The following PAK1 variants were observed in gnomAD, a reference collection of about 807,000 sequenced individuals.
PAK1 encodes the protein serine/threonine-protein kinase PAK 1.
A neutral mutation model predicts 67.4 loss-of-function variants in PAK1; 29 were observed. That is an observed-to-expected ratio of 0.43 (90% CI 0.32 to 0.59). PAK1 has a LOEUF of 0.59. PAK1 is among the 20% of genes least tolerant of loss of function. PAK1 has a pLI of 0.07. For synonymous variants in PAK1, 223 were observed against 237.4 expected (o/e 0.94, Z 0.56); for missense variants, 337 against 670.7 (o/e 0.50, Z 5.50).
chr11:77,427,831 T>C (rs1955632173), intron 1 of PAK1, among the ~76,000 whole-genome samples: 1 of 152,240 alleles, frequency 6.6e-6, no homozygotes, highest in Non-Finnish European at 1.5e-5. Flanking sequence ...CTTCCTCTTA[T>C]TGTTATCTTC....
At chr11:77,380,992 G>C (rs929796012) in intron 2 of PAK1, among the ~76,000 whole-genome samples, 5 of 152,114 alleles carry the variant, frequency 3.3e-5, no homozygotes, top group African/African-American at 1.2e-4. Context: ...CCTGCTGTCT[G>C]GGAGCTCAAC....
upstream of PAK1, chr11:77,475,028 A>G (rs1958036155): frequency 6.6e-6 from 1 of 152,216 alleles, no homozygotes; most frequent in African/African-American, 2.4e-5. Context: ...TGTAATAATA[A>G]GTAGTACCTT....
chr11:77,335,910 G>A (rs1049357830), intron 13 of PAK1, among the ~76,000 whole-genome samples, 176 bp downstream of exon 13: 3 of 152,174 alleles, frequency 2.0e-5, no homozygotes, highest in Non-Finnish European at 1.5e-5. Flanking sequence ...ATAAATGAAT[G>A]AGTGACTTCT....
At chr11:77,407,323 T>G (rs1953743105) in intron 1 of PAK1, among the ~76,000 whole-genome samples, 2 of 152,214 alleles carry the variant, frequency 1.3e-5, no homozygotes, top group Admixed American at 6.5e-5. Flanking sequence ...ACCATGGAAC[T>G]AAATTACCAG....
At chr11:77,429,223 A>C (rs756416286) in intron 1 of PAK1, among the ~76,000 whole-genome samples, 1 of 152,094 alleles carries the variant, frequency 6.6e-6, no homozygotes, top group Non-Finnish European at 1.5e-5. Context: ...AGTTGACAGA[A>C]GCCAACTTCT....
chr11:77,463,989 C>T (rs777100616), intron 1 of PAK1, among the ~76,000 whole-genome samples: 10 of 152,186 alleles, frequency 6.6e-5, no homozygotes, highest in Non-Finnish European at 1.5e-4. Flanking sequence ...TTTTAAAATA[C>T]ATTTAACCCA....
intron 1 of PAK1, among the ~76,000 whole-genome samples, chr11:77,460,907 G>A (rs1275591251): frequency 6.6e-6 from 1 of 151,982 alleles, no homozygotes; most frequent in Non-Finnish European, 1.5e-5. Context: ...GGCAGAAGGA[G>A]AATAAGAGTA....
At chr11:77,371,515 C>G (rs1948423561) in intron 5 of PAK1, among the ~76,000 whole-genome samples, 1 of 152,150 alleles carries the variant, frequency 6.6e-6, no homozygotes, top group Non-Finnish European at 1.5e-5. Flanking sequence ...CTCAGGAGAG[C>G]AGAATTTTGT....
At chr11:77,357,802 C>T (rs1946239998) in intron 6 of PAK1, among the ~76,000 whole-genome samples, 1 of 152,152 alleles carries the variant, frequency 6.6e-6, no homozygotes, top group South Asian at 2.1e-4. Flanking sequence ...CTGATATTTA[C>T]CCACCTCTGC....
chr11:77,478,081 C>T (rs141629768), upstream of PAK1, among the ~76,000 whole-genome samples: 3 of 152,326 alleles, frequency 2.0e-5, no homozygotes, highest in African/African-American at 4.8e-5. Context: ...CACACCAACA[C>T]TCACTCAGAC....
At chr11:77,433,246 A>G (rs1359604872) in intron 1 of PAK1, among the ~76,000 whole-genome samples, 2 of 152,238 alleles carry the variant, frequency 1.3e-5, no homozygotes, top group African/African-American at 2.4e-5. Context: ...TAAAACTCTC[A>G]GAGGAAAACA....
At chr11:77,364,265 AAC>A (rs1280585587) in intron 5 of PAK1, among the ~76,000 whole-genome samples, 1 of 152,220 alleles carries the variant, frequency 6.6e-6, no homozygotes, top group East Asian at 1.9e-4. Context: ...AAAAGGCCTA[AAC>A]AGTAAATGTA....
chr11:77,516,956 T>C, the PAK1 span, among the ~76,000 whole-genome samples: 1 of 151,708 alleles, frequency 6.6e-6, no homozygotes, highest in East Asian at 1.9e-4. Context: ...CAGTGAGTCA[T>C]GATCATGTCA....
In PAK1 at chr11:77,391,367, AC is replaced by A. The variant is rs1951118231; in HGVS notation, c.190+963del. Among the ~76,000 whole-genome samples the A allele has an allele frequency of 2.0e-5, 3 of 152,200 alleles. 1 individual carries two copies. Among genetic ancestry groups the A allele is most frequent in the Admixed American group, 2.0e-4 (3 of 15,280 alleles). ...AACTTTGTATGTAGTCTTCACAACAACCCTGTGAAATGATATCTCACTTTTA... is the reference window on the plus strand; with the variant it reads ...AACTTTGTATGTAGTCTTCACAACAACCTGTGAAATGATATCTCACTTTTA... On this transcript the variant is annotated intron_variant, in intron 2 of 14. Transcript: ENST00000356341.
At chr11:77,470,771 T>C (rs541426585) in intron 1 of PAK1, among the ~76,000 whole-genome samples, 29 of 152,344 alleles carry the variant, frequency 1.9e-4, no homozygotes, top group African/African-American at 6.7e-4. Context: ...TTATTTAGAC[T>C]TGCAAAACCA....
the PAK1 span, among the ~76,000 whole-genome samples, chr11:77,520,750 G>T: frequency 6.6e-6 from 1 of 152,214 alleles, no homozygotes; most frequent in African/African-American, 2.4e-5. Context: ...GGATACATTT[G>T]AAAGGGGTAC....
At chr11:77,422,666 A>C (rs1015487053) in intron 1 of PAK1, among the ~76,000 whole-genome samples, 1 of 152,214 alleles carries the variant, frequency 6.6e-6, no homozygotes, top group Non-Finnish European at 1.5e-5. Context: ...CAGGAAAGTA[A>C]TGAGACAATT....
chr11:77,490,339 A>AACC, the PAK1 span, among the ~76,000 whole-genome samples: 3 of 128,266 alleles, frequency 2.3e-5, no homozygotes, highest in East Asian at 2.7e-4. Flanking sequence ...TGGGGGGGTC[A>AACC]GCCCCCCACC....
chr11:77,523,394 G>A, the PAK1 span, among the ~76,000 whole-genome samples: 7 of 151,680 alleles, frequency 4.6e-5, no homozygotes, highest in Non-Finnish European at 1.0e-4. Flanking sequence ...ATGGGCACAT[G>A]AGGGTTTATC....
Sources: allele counts gnomAD v4.1 joint callset (sites outside exome capture counted in the v4.1 genomes callset), GRCh38; gene constraint gnomAD v4.1.1; transcripts MANE v1.5; gene names NCBI Gene and HGNC (gene_info 2026-07-23, HGNC 2026-07-21).